Variants in ADAMTSL1 observed in about 807,000 individuals in gnomAD.
The protein encoded by ADAMTSL1 is ADAMTS like 1.
ADAMTSL1 carries 126 observed loss-of-function variants against 201.8 expected under a neutral mutation model. The observed-to-expected ratio is 0.62, with a 90% CI of 0.54 to 0.72. ADAMTSL1 has a LOEUF of 0.72. ADAMTSL1 is among the 30% of genes least tolerant of loss of function. The pLI, the probability that ADAMTSL1 is intolerant of heterozygous loss-of-function variation, is 0.00. For missense variants in ADAMTSL1, 2,679 were observed against 2,277.8 expected (o/e 1.18, Z -3.59); for synonymous variants, 1,121 against 903.4 (o/e 1.24, Z -4.32).
At chr9:18,172,491 T>G (rs1827944575) in intron 2 of ADAMTSL1, among the ~76,000 whole-genome samples, 1 of 152,056 alleles carries the variant, frequency 6.6e-6, no homozygotes, top group Non-Finnish European at 1.5e-5. Flanking sequence ...CAGTTGTCAG[T>G]GAGAAAGTAA....
At chr9:17,994,451 T>G (rs1362387089) in intron 1 of ADAMTSL1, among the ~76,000 whole-genome samples, 1 of 152,184 alleles carries the variant, frequency 6.6e-6, no homozygotes, top group Non-Finnish European at 1.5e-5. Context: ...TAAGACATTT[T>G]CATTGGGAAT....
intron 14 of ADAMTSL1, among the ~76,000 whole-genome samples, chr9:18,710,485 G>T (rs1245180511): frequency 2.0e-5 from 3 of 152,116 alleles, no homozygotes; most frequent in Non-Finnish European, 4.4e-5. Flanking sequence ...ACTCTGGACT[G>T]CTTCTTAGTC....
chr9:18,713,207 C>G (rs1268733417), intron 14 of ADAMTSL1, among the ~76,000 whole-genome samples: 2 of 150,830 alleles, frequency 1.3e-5, no homozygotes, highest in Non-Finnish European at 3.0e-5. Flanking sequence ...AGCAAAATAA[C>G]CAGCTAACAT....
intron 1 of ADAMTSL1, among the ~76,000 whole-genome samples, chr9:17,982,654 A>T (rs1818755906): frequency 6.6e-6 from 1 of 152,178 alleles, no homozygotes; most frequent in Admixed American, 6.5e-5. Flanking sequence ...AAAACCGGGC[A>T]GGATATAGTC....
chr9:18,430,961 T>C (rs2133402966), intron 2 of ADAMTSL1, among the ~76,000 whole-genome samples: 1 of 152,246 alleles, frequency 6.6e-6, no homozygotes, highest in East Asian at 1.9e-4. Context: ...GACATTTGGA[T>C]ATATTAGGTC....
chr9:18,539,903 T>A (rs1012506482), intron 3 of ADAMTSL1, among the ~76,000 whole-genome samples: 1 of 152,326 alleles, frequency 6.6e-6, no homozygotes, highest in South Asian at 2.1e-4. Flanking sequence ...GGTATTCCTG[T>A]TGGCCGGCCT....
At chr9:18,483,896 C>T (rs1032380825) in intron 1 of ADAMTSL1, among the ~76,000 whole-genome samples, 16 of 152,166 alleles carry the variant, frequency 1.1e-4, no homozygotes, top group African/African-American at 3.4e-4. Flanking sequence ...ATCAGGGTGA[C>T]CTGGCAAGAA....
intron 1 of ADAMTSL1, among the ~76,000 whole-genome samples, chr9:18,065,432 T>C (rs11999794): frequency 0.071 from 10,850 of 152,282 alleles, 452 homozygotes; most frequent in South Asian, 0.14. Context: ...TATAATTGTT[T>C]CCATTTTTAT....
intron 1 of ADAMTSL1, among the ~76,000 whole-genome samples, chr9:18,154,878 T>A (rs1392687738): frequency 2.0e-5 from 3 of 152,068 alleles, no homozygotes; most frequent in Non-Finnish European, 4.4e-5. Context: ...GAGTAAATAT[T>A]TGAAATTCTT....
At chr9:18,311,807 C>T (rs1444380921) in intron 2 of ADAMTSL1, among the ~76,000 whole-genome samples, 3 of 152,130 alleles carry the variant, frequency 2.0e-5, no homozygotes, top group Non-Finnish European at 4.4e-5. Flanking sequence ...AATATATCTA[C>T]AACACAGTAT....
chr9:18,684,767 TAGA>T lies in ADAMTSL1; in HGVS notation c.1547_1549del (p.Glu516del), dbSNP rs1044435730. On this transcript the variant is annotated inframe_deletion, in exon 13 of 29. Transcript: ENST00000380548. Reference sequence around the variant, plus strand: ...CCATGGTTCAAACAAGCTCAAGAGCTAGAAGAAGGAGCTGCTGTGTCAGAGGAG... The same window carrying T: ...CCATGGTTCAAACAAGCTCAAGAGCTAGAAGGAGCTGCTGTGTCAGAGGAG... 42 of 1,612,844 alleles carry T rather than the reference TAGA, an allele frequency of 2.6e-5. No individual in the cohort carries two copies. The highest frequency in any genetic ancestry group is 4.0e-5 in the African/African-American group (3 of 74,922).
intron 7 of ADAMTSL1, among the ~76,000 whole-genome samples, chr9:18,648,083 C>T (rs1445825508): frequency 6.8e-6 from 1 of 146,488 alleles, no homozygotes; most frequent in Non-Finnish European, 1.5e-5. Context: ...GTATTGGGTG[C>T]ATATATATTT....
intron 1 of ADAMTSL1, among the ~76,000 whole-genome samples, chr9:17,966,355 A>C (rs1817977518): frequency 6.6e-6 from 1 of 152,156 alleles, no homozygotes; most frequent in African/African-American, 2.4e-5. Flanking sequence ...CACAGAAATC[A>C]AATATATGAC....
Position 18,906,920 on chromosome 9 carries a change from C to A in ADAMTSL1, c.5182+8C>A, listed in dbSNP as rs766182380. On this transcript the variant is annotated splice_region_variant and intron_variant, in intron 28 of 28. Transcript: ENST00000380548. ...TCACCCCATGTGAAAACAGTATGTT[C>A]CAACCCCAAAGAACCTTCTGCAAAT... 1.9e-6 allele frequency: 3 copies of A among 1,613,788 alleles called. No individual in the cohort carries two copies. Among genetic ancestry groups the A allele is most frequent in the South Asian group, 1.1e-5 (1 of 91,054 alleles).
chr9:18,711,919 C>G (rs866783844), intron 14 of ADAMTSL1, among the ~76,000 whole-genome samples: 250 of 147,464 alleles, frequency 1.7e-3, no homozygotes, highest in African/African-American at 5.8e-3. Flanking sequence ...CAGACTGCCT[C>G]CTCAAGTGGG....
At chr9:18,647,152 T>C (rs2132872335) in intron 7 of ADAMTSL1, among the ~76,000 whole-genome samples, 1 of 152,276 alleles carries the variant, frequency 6.6e-6, no homozygotes. Context: ...CCATTTCTTC[T>C]AGATTTTCTA....
At chr9:18,422,152 G>A (rs1818983930) in intron 2 of ADAMTSL1, among the ~76,000 whole-genome samples, 1 of 152,058 alleles carries the variant, frequency 6.6e-6, no homozygotes, top group South Asian at 2.1e-4. Context: ...AGTTAAAAGT[G>A]CAGTATGTTC....
intron 1 of ADAMTSL1, among the ~76,000 whole-genome samples, chr9:18,043,704 A>C (rs906857941): frequency 5.3e-5 from 8 of 152,132 alleles, no homozygotes; most frequent in Admixed American, 5.2e-4. Context: ...AAACACATTT[A>C]TAATTTATTA....
chr9:18,892,591 G>A lies in ADAMTSL1; in HGVS notation c.4846G>A (p.Gly1616Ser), dbSNP rs1488235259. The A allele has an allele frequency of 6.4e-7, 1 of 1,558,060 alleles. No homozygotes were observed. Among genetic ancestry groups the A allele is most frequent in the Non-Finnish European group, 8.7e-7 (1 of 1,150,702 alleles). ...TGTGGAGTGGGCCTTCTCCAGCTGGGGCCAGGTGAGGAGCCAGAGAGGTTG... is the reference window on the plus strand; with the variant it reads ...TGTGGAGTGGGCCTTCTCCAGCTGGAGCCAGGTGAGGAGCCAGAGAGGTTG... ...LCVEWAFSSW[G>S]QCNGPCIGPH... The change falls in exon 26 of 29, where the codon GGC becomes AGC. Residue 1616 changes from glycine (G) to serine (S), a missense_variant. By Grantham distance (56) the Gly-to-Ser change is moderately conservative. Coordinates refer to ENST00000380548, the MANE Select transcript of ADAMTSL1 (RefSeq NM_001040272.6).
Sources: allele counts gnomAD v4.1 joint callset (sites outside exome capture counted in the v4.1 genomes callset), GRCh38; gene constraint gnomAD v4.1.1; transcripts MANE v1.5; gene names NCBI Gene and HGNC (gene_info 2026-07-23, HGNC 2026-07-21).